The following ZNF521 variants were observed in gnomAD, a reference collection of about 807,000 sequenced individuals.
ZNF521 encodes the protein zinc finger protein 521.
Under a neutral mutation model 105.5 loss-of-function variants are expected in ZNF521, and 14 were observed. The ratio of observed to expected loss-of-function variants is 0.13; its 90% CI spans 0.09 to 0.21. The LOEUF (loss-of-function observed/expected upper bound fraction) is 0.21. ZNF521 is among the 10% of genes least tolerant of loss of function. The pLI is 1.00. For missense variants in ZNF521, 1,233 were observed against 1,629.7 expected (o/e 0.76, Z 4.19); for synonymous variants, 635 against 606.0 (o/e 1.05, Z -0.70).
chr18:25,257,646 A>G (rs1908611969), intron 3 of ZNF521, among the ~76,000 whole-genome samples: 1 of 152,186 alleles, frequency 6.6e-6, no homozygotes, highest in East Asian at 1.9e-4. Flanking sequence ...GGCAATAGGA[A>G]AACAGAAAAT....
chr18:25,138,140 T>A (rs1567978245), intron 5 of ZNF521, among the ~76,000 whole-genome samples: 2 of 152,232 alleles, frequency 1.3e-5, no homozygotes, highest in South Asian at 4.1e-4. Context: ...CTTGCCCACA[T>A]GCTTCATACT....
At chr18:25,350,775 G>A (rs1476586589) in intron 2 of ZNF521, 132 bp downstream of exon 2, 6 of 908,518 alleles carry the variant, frequency 6.6e-6, no homozygotes, top group Admixed American at 5.9e-5. Flanking sequence ...GCGGGGAGGG[G>A]AGCGCGCGCG....
At chr18:25,178,693 T>C (rs1600123639) in intron 5 of ZNF521, among the ~76,000 whole-genome samples, 1 of 152,208 alleles carries the variant, frequency 6.6e-6, no homozygotes, top group Non-Finnish European at 1.5e-5. Flanking sequence ...TGGAAAGATA[T>C]AATGGAAAAA....
At position 25,093,360 on chromosome 18, in the gene ZNF521, AT is replaced by A. The variant is rs1359282250; in HGVS notation, c.3659-1280del. Among the ~76,000 whole-genome samples, 18 of 152,252 alleles carry A rather than the reference AT, an allele frequency of 1.2e-4. No homozygotes were observed. The South Asian group carries it at 3.7e-3, about 32-fold the overall frequency. Reference sequence around the variant, plus strand: ...ACACTTTTATATTCTCCTATTAGCAATGATTAAAAAATGCTACTAAGACATT... The same window carrying A: ...ACACTTTTATATTCTCCTATTAGCAAGATTAAAAAATGCTACTAAGACATT... On this transcript the variant is annotated intron_variant, in intron 5 of 7. Transcript: ENST00000361524.
intron 4 of ZNF521, among the ~76,000 whole-genome samples, chr18:25,214,197 T>C (rs560582831): frequency 6.6e-6 from 1 of 152,282 alleles, no homozygotes; most frequent in South Asian, 2.1e-4. Context: ...AAACTTTACA[T>C]GAATAAAGTC....
intron 4 of ZNF521, among the ~76,000 whole-genome samples, chr18:25,206,533 T>G (rs561004198): frequency 6.6e-6 from 1 of 152,172 alleles, no homozygotes; most frequent in Non-Finnish European, 1.5e-5. Context: ...TGGTAGTTTT[T>G]GTGTCTTACC....
chr18:25,106,749 T>TA (rs1407618783), intron 5 of ZNF521, among the ~76,000 whole-genome samples: 1 of 152,154 alleles, frequency 6.6e-6, no homozygotes, highest in Non-Finnish European at 1.5e-5. Context: ...AATATATATA[T>TA]TTTAAAATCC....
chr18:25,130,862 G>T (rs1286825913), intron 5 of ZNF521, among the ~76,000 whole-genome samples: 1 of 152,028 alleles, frequency 6.6e-6, no homozygotes, highest in East Asian at 1.9e-4. Context: ...AGGATCACTG[G>T]AGCCCAGCAG....
chr18:25,197,079 C>T (rs549121642), intron 4 of ZNF521, among the ~76,000 whole-genome samples: 2 of 151,842 alleles, frequency 1.3e-5, no homozygotes, highest in South Asian at 2.1e-4. Flanking sequence ...TAATAAAATG[C>T]CAGCACTTAC....
Position 25,089,576 on chromosome 18 carries a change from A to C in ZNF521, c.3795T>G (p.Phe1265Leu). 3 of 1,611,968 alleles carry C rather than the reference A, an allele frequency of 1.9e-6. No individual in the cohort carries two copies. The highest frequency in any genetic ancestry group is 2.5e-6 in the Non-Finnish European group (3 of 1,178,012). Residue 1265 changes from phenylalanine to leucine, a missense_variant, in exon 7 of 8, where the codon TTT becomes TTG. By Grantham distance (22) the Phe-to-Leu change is conservative (BLOSUM62 0). Transcript: ENST00000361524. ...TFKCPVCFTV[F>L]VQANKLQQHI... is the part of the protein sequence containing the mutation. ...GCTGCTGCAACTTGTTTGCTTGAACAAATACTGAAATGATAAAAGAATGAT... is the reference window on the plus strand; with the variant it reads ...GCTGCTGCAACTTGTTTGCTTGAACCAATACTGAAATGATAAAAGAATGAT...
chr18:25,336,658 C>T (rs908603105), intron 2 of ZNF521, among the ~76,000 whole-genome samples: 10 of 152,154 alleles, frequency 6.6e-5, no homozygotes, highest in African/African-American at 2.4e-4. Context: ...GGTGAAGGTA[C>T]CTGTCGTGGC....
At chr18:25,143,628 G>A (rs2034891428) in intron 5 of ZNF521, among the ~76,000 whole-genome samples, 1 of 152,102 alleles carries the variant, frequency 6.6e-6, no homozygotes, top group African/African-American at 2.4e-5. Flanking sequence ...TTGTAGCAAA[G>A]ATGCTAAGTA....
chr18:25,080,335 C>T (rs939363009), intron 7 of ZNF521, among the ~76,000 whole-genome samples: 2 of 152,218 alleles, frequency 1.3e-5, no homozygotes, highest in African/African-American at 2.4e-5. Flanking sequence ...GACAGCACCG[C>T]AAGCACAGCT....
chr18:25,168,339 T>C (rs552472105), intron 5 of ZNF521, among the ~76,000 whole-genome samples: 6 of 152,312 alleles, frequency 3.9e-5, no homozygotes, highest in South Asian at 4.1e-4. Flanking sequence ...TCGGAAACTG[T>C]TGGCTCCACA....
chr18:25,143,773 A>G (rs1213719163), intron 5 of ZNF521, among the ~76,000 whole-genome samples: 1 of 152,226 alleles, frequency 6.6e-6, no homozygotes, highest in Non-Finnish European at 1.5e-5. Context: ...AAATTCAGCC[A>G]TCAAATTTCA....
At position 25,326,263 on chromosome 18, in the gene ZNF521, C is replaced by G. The variant is rs142778754; in HGVS notation, c.41-4076G>C. ...ACAAGGATCCCATGCCTGATCAAAG[C>G]TAAAATGTCAAACTACTGAGAAAAC... is the stretch of plus-strand genomic sequence containing the variant. On this transcript the variant is annotated intron_variant, in intron 2 of 7. Transcript: ENST00000361524. 6.2e-3 allele frequency among the ~76,000 whole-genome samples: 937 copies of G among 152,264 alleles called. 9 individuals carry two copies. Among genetic ancestry groups the G allele is most frequent in the African/African-American group, 0.022 (904 of 41,544 alleles).
chr18:25,280,509 T>C (rs968920681), intron 3 of ZNF521, among the ~76,000 whole-genome samples: 1 of 152,040 alleles, frequency 6.6e-6, no homozygotes, highest in Non-Finnish European at 1.5e-5. Context: ...CATTACCTGA[T>C]GACAGTCTAC....
At chr18:25,298,104 G>T (rs1911427253) in intron 3 of ZNF521, among the ~76,000 whole-genome samples, 1 of 152,248 alleles carries the variant, frequency 6.6e-6, no homozygotes, top group East Asian at 1.9e-4. Context: ...CTGAAAAATT[G>T]CTTCTCTTAA....
At chr18:25,348,082 T>C (rs1178062006) in intron 2 of ZNF521, among the ~76,000 whole-genome samples, 2 of 152,248 alleles carry the variant, frequency 1.3e-5, no homozygotes, top group East Asian at 3.8e-4. Flanking sequence ...ATTGCAAACC[T>C]ATTAATCAGT....
Sources: allele counts gnomAD v4.1 joint callset (sites outside exome capture counted in the v4.1 genomes callset), GRCh38; gene constraint gnomAD v4.1.1; transcripts MANE v1.5; gene names NCBI Gene and HGNC (gene_info 2026-07-23, HGNC 2026-07-21).